The following NKAIN3 variants were observed in gnomAD, a reference collection of about 807,000 sequenced individuals.
NKAIN3 encodes sodium/potassium transporting ATPase interacting 3, also known as sodium/potassium-transporting ATPase subunit beta-1-interacting protein 3.
A neutral mutation model predicts 30.2 loss-of-function variants in NKAIN3; 25 were observed. That is an observed-to-expected ratio of 0.83 (90% confidence interval 0.60 to 1.16). NKAIN3 has a LOEUF of 1.16. NKAIN3 is among the 50% of genes most tolerant of loss of function. The pLI is 0.00. For missense variants in NKAIN3, 225 were observed against 254.1 expected (o/e 0.89, Z 0.78); for synonymous variants, 91 against 89.6 (o/e 1.02, Z -0.09).
intron 4 of NKAIN3, among the ~76,000 whole-genome samples, chr8:62,865,173 A>C (rs1428169302): frequency 6.6e-6 from 1 of 152,194 alleles, no homozygotes; most frequent in Non-Finnish European, 1.5e-5. Context: ...CTTTTGATGT[A>C]CTTGTGGAGA....
At chr8:62,566,236 T>G (rs1781692399) in intron 1 of NKAIN3, among the ~76,000 whole-genome samples, 1 of 152,208 alleles carries the variant, frequency 6.6e-6, no homozygotes, top group African/African-American at 2.4e-5. Flanking sequence ...GCCTTGAATA[T>G]GCTTGTCTTC....
chr8:62,987,496 G>T (rs1039714809), downstream of NKAIN3, among the ~76,000 whole-genome samples: 8 of 152,146 alleles, frequency 5.3e-5, no homozygotes, highest in Non-Finnish European at 1.2e-4. Flanking sequence ...TCACAATCAT[G>T]ACAGAAGGCA....
chr8:62,812,242 C>T (rs900183384), intron 4 of NKAIN3, among the ~76,000 whole-genome samples: 1 of 151,840 alleles, frequency 6.6e-6, no homozygotes, highest in African/African-American at 2.4e-5. Context: ...TACAACTATA[C>T]AGTAAATCTT....
At chr8:62,635,850 A>G (rs573241316) in intron 3 of NKAIN3, among the ~76,000 whole-genome samples, 3 of 152,328 alleles carry the variant, frequency 2.0e-5, no homozygotes, top group South Asian at 2.1e-4. Flanking sequence ...AGAAAGTTTT[A>G]TCATATTCCC....
chr8:62,762,489 G>A (rs1329711230), intron 4 of NKAIN3, among the ~76,000 whole-genome samples: 1 of 152,192 alleles, frequency 6.6e-6, no homozygotes, highest in East Asian at 1.9e-4. Context: ...AGATGTTAAA[G>A]AAGATGTGAC....
At chr8:62,442,751 C>A (rs1455946358) in intron 1 of NKAIN3, among the ~76,000 whole-genome samples, 1 of 151,790 alleles carries the variant, frequency 6.6e-6, no homozygotes, top group South Asian at 2.1e-4. Flanking sequence ...TTGAGCTATG[C>A]CCTCAATTGT....
intron 3 of NKAIN3, among the ~76,000 whole-genome samples, chr8:62,686,206 A>G (rs1303214113): frequency 2.0e-5 from 3 of 152,222 alleles, no homozygotes; most frequent in Non-Finnish European, 4.4e-5. Flanking sequence ...TTCCTTTAGC[A>G]GACCATCTTG....
At chr8:62,273,015 C>T (rs1228937925) in intron 1 of NKAIN3, among the ~76,000 whole-genome samples, 2 of 152,144 alleles carry the variant, frequency 1.3e-5, no homozygotes, top group African/African-American at 4.8e-5. Context: ...ATCACAACTA[C>T]TCAATTCCAC....
At chr8:62,280,138 T>C (rs1030539363) in intron 1 of NKAIN3, among the ~76,000 whole-genome samples, 1 of 149,192 alleles carries the variant, frequency 6.7e-6, no homozygotes, top group Admixed American at 6.7e-5. Flanking sequence ...TTGAAGCAAT[T>C]GTGAATGGGA....
intron 5 of NKAIN3, among the ~76,000 whole-genome samples, chr8:62,991,517 C>T (rs544774672): frequency 2.6e-5 from 4 of 152,318 alleles, no homozygotes; most frequent in African/African-American, 7.2e-5. Context: ...TGTGCTTGCT[C>T]AGCTCACTGA....
chr8:62,558,975 T>C (rs1809487681), intron 1 of NKAIN3, among the ~76,000 whole-genome samples: 1 of 152,074 alleles, frequency 6.6e-6, no homozygotes, highest in African/African-American at 2.4e-5. Context: ...TTTCAAAGTT[T>C]GAGAGAGTTT....
At chr8:62,900,198 C>T (rs1008651330) in intron 4 of NKAIN3, among the ~76,000 whole-genome samples, 1 of 151,308 alleles carries the variant, frequency 6.6e-6, no homozygotes, top group African/African-American at 2.4e-5. Flanking sequence ...TAGACACAAG[C>T]ATCCTGGAGC....
At chr8:62,495,236 A>G (rs1295954312) in intron 1 of NKAIN3, among the ~76,000 whole-genome samples, 2 of 152,124 alleles carry the variant, frequency 1.3e-5, no homozygotes, top group African/African-American at 4.8e-5. Flanking sequence ...TTTGAATTAA[A>G]AATTAAAAAT....
chr8:62,688,216 T>A (rs1813855543), intron 3 of NKAIN3, among the ~76,000 whole-genome samples: 1 of 152,234 alleles, frequency 6.6e-6, no homozygotes, highest in South Asian at 2.1e-4. Context: ...AGTAAGCATC[T>A]GTTTCCATTA....
At chr8:62,286,191 C>T (rs910579868) in intron 1 of NKAIN3, among the ~76,000 whole-genome samples, 10 of 152,118 alleles carry the variant, frequency 6.6e-5, no homozygotes, top group African/African-American at 2.4e-4. Flanking sequence ...TGATTGTAAG[C>T]TTCTTAAATT....
intron 1 of NKAIN3, among the ~76,000 whole-genome samples, chr8:62,279,262 C>T (rs1585626410): frequency 6.6e-6 from 1 of 152,082 alleles, no homozygotes; most frequent in East Asian, 1.9e-4. Flanking sequence ...TTTGTAGATT[C>T]TGGATATTAG....
intron 1 of NKAIN3, among the ~76,000 whole-genome samples, chr8:62,359,273 G>A (rs761258602): frequency 1.3e-5 from 2 of 152,268 alleles, no homozygotes; most frequent in African/African-American, 2.4e-5. Context: ...TGGGATTTGA[G>A]GATACCAATA....
intron 1 of NKAIN3, among the ~76,000 whole-genome samples, chr8:62,499,916 A>G (rs970361455): frequency 1.0e-4 from 15 of 149,566 alleles, no homozygotes; most frequent in Non-Finnish European, 1.9e-4. Context: ...TTCACCAATT[A>G]TGCTTTCTTT....
chr8:62,844,416 C>G (rs1819615578), intron 4 of NKAIN3, among the ~76,000 whole-genome samples: 1 of 152,144 alleles, frequency 6.6e-6, no homozygotes, highest in South Asian at 2.1e-4. Flanking sequence ...GTAGGGATTT[C>G]AGATTCCTTC....
Sources: gnomAD v4.1 joint callset for allele counts (sites outside exome capture counted in the v4.1 genomes callset) on GRCh38, gnomAD v4.1.1 for gene constraint, MANE v1.5 for transcripts, NCBI Gene and HGNC (gene_info 2026-07-23, HGNC 2026-07-21) for gene names.